The following TNKS variants were observed in gnomAD, a reference collection of about 807,000 sequenced individuals.
TNKS encodes the protein poly [ADP-ribose] polymerase tankyrase-1.
In TNKS, 72 loss-of-function variants were observed where a neutral mutation model predicts 135.8. The ratio of observed to expected loss-of-function variants is 0.53; its 90% confidence interval spans 0.44 to 0.64. TNKS has a LOEUF of 0.64. TNKS is among the 30% of genes least tolerant of loss of function. The pLI is 0.00. For synonymous variants in TNKS, 849 were observed against 649.3 expected, an observed-to-expected ratio of 1.31 and a Z score of -4.68; for missense variants, 1,769 against 1,674.0, an observed-to-expected ratio of 1.06 and a Z score of -0.99.
Position 9,661,893 on chromosome 8 carries a change from AAAAC to A in TNKS, c.995-18051_995-18048del, listed in dbSNP as rs1344375651. Among the ~76,000 whole-genome samples the A allele has an allele frequency of 8.5e-5, 13 of 152,366 alleles. 1 individual carries two copies. The highest frequency in any genetic ancestry group is 1.4e-4 in the African/African-American group (6 of 41,584). On this transcript the variant is annotated intron_variant, in intron 3 of 26. Transcript: ENST00000310430. The stretch of plus-strand genomic sequence containing the variant: ...AGAACTCAAACAAATGTACAAGAAA[AAAAC>A]AAACAACCCCATCACAAAGTGGGCA...
rs191368683 is a variant in TNKS at position 9,623,251 on chromosome 8, G to T, written c.994+7574G>T. On this transcript the variant is annotated intron_variant, in intron 3 of 26. Transcript: ENST00000310430. ...TTGAAACCTAAAACAACTAGACTCT[G>T]TATGGAAAGATGTAGTATTTAAGGT... 7.9e-5 allele frequency among the ~76,000 whole-genome samples: 12 copies of T among 152,276 alleles called. No homozygotes were observed. In the East Asian group the frequency reaches 1.3e-3, roughly 17 times the overall value.
chr8:9,744,538 T>G (rs1426764043), intron 17 of TNKS, among the ~76,000 whole-genome samples: 1 of 152,194 alleles, frequency 6.6e-6, no homozygotes, highest in Non-Finnish European at 1.5e-5. Context: ...TATTTGTCAT[T>G]TAAAGCATTT....
chr8:9,591,925 G>A (rs940704792), intron 2 of TNKS, among the ~76,000 whole-genome samples: 5 of 152,122 alleles, frequency 3.3e-5, no homozygotes, highest in African/African-American at 1.2e-4. Context: ...GCAGTTTCCG[G>A]TCTGAGGGCT....
chr8:9,645,206 G>C (rs1187870187), intron 3 of TNKS, among the ~76,000 whole-genome samples: 1 of 152,022 alleles, frequency 6.6e-6, no homozygotes, highest in Admixed American at 6.6e-5. Context: ...GGAGGACAAG[G>C]GTGGGGGATG....
At chr8:9,770,083 A>ATTGTT in intron 25 of TNKS, 23 bp from the exon 26 acceptor site, 1 of 1,578,388 alleles carries the variant, frequency 6.3e-7, no homozygotes, top group Non-Finnish European at 8.6e-7. Flanking sequence ...CCTTCAAAGC[A>ATTGTT]TTGTTTTTTT....
intron 5 of TNKS, among the ~76,000 whole-genome samples, chr8:9,702,105 A>G (rs1360232132): frequency 6.6e-6 from 1 of 152,190 alleles, no homozygotes; most frequent in Non-Finnish European, 1.5e-5. Context: ...TGCCTACCAA[A>G]GCCTAGAAGC....
chr8:9,746,875 C>T (rs1806261895), intron 17 of TNKS, among the ~76,000 whole-genome samples: 1 of 117,010 alleles, frequency 8.5e-6, no homozygotes. Context: ...TTCATACCTA[C>T]TTAAACTTTT....
chr8:9,765,504 A>C (rs1047337698), intron 23 of TNKS, among the ~76,000 whole-genome samples, 188 bp from the exon 24 acceptor site: 1 of 152,158 alleles, frequency 6.6e-6, no homozygotes, highest in African/African-American at 2.4e-5. Flanking sequence ...CAAAAACTGT[A>C]ACTGAAAATT....
At chr8:9,767,687 T>C (rs1354322800) in intron 25 of TNKS, among the ~76,000 whole-genome samples, 5 of 152,072 alleles carry the variant, frequency 3.3e-5, no homozygotes, top group African/African-American at 1.2e-4. Flanking sequence ...CGGCTGGGCA[T>C]GGTGGCTCAC....
intron 2 of TNKS, among the ~76,000 whole-genome samples, chr8:9,581,611 C>A (rs1425705222): frequency 6.6e-6 from 1 of 152,146 alleles, no homozygotes; most frequent in Non-Finnish European, 1.5e-5. Flanking sequence ...GTCTTCTAGG[C>A]TTTCATCTTC....
intron 11 of TNKS, 91 bp downstream of exon 11, chr8:9,710,311 A>C: frequency 8.2e-7 from 1 of 1,226,610 alleles, no homozygotes; most frequent in Non-Finnish European, 1.2e-6. Flanking sequence ...TTTTCTGAAG[A>C]AACTAATTTT....
chr8:9,774,974 C>T (rs777029286), intron 26 of TNKS, among the ~76,000 whole-genome samples: 54 of 152,172 alleles, frequency 3.5e-4, no homozygotes, highest in Non-Finnish European at 7.1e-4. Flanking sequence ...TTACATTTCT[C>T]CTGTTTTTGT....
chr8:9,581,548 C>G (rs915444445), intron 2 of TNKS, among the ~76,000 whole-genome samples: 4 of 152,208 alleles, frequency 2.6e-5, no homozygotes, highest in African/African-American at 9.6e-5. Flanking sequence ...TCTTATGTTA[C>G]TTGCTTTTGT....
intron 3 of TNKS, among the ~76,000 whole-genome samples, chr8:9,675,167 C>A (rs1315032257): frequency 6.6e-6 from 1 of 152,164 alleles, no homozygotes; most frequent in East Asian, 1.9e-4. Flanking sequence ...AGCTGAATTC[C>A]TTCCACAGCC....
chr8:9,679,940 C>T lies in TNKS; in HGVS notation c.995-11C>T, dbSNP rs936890488. The T allele has an allele frequency of 1.4e-5, 22 of 1,610,100 alleles. No individual in the cohort carries two copies. The highest frequency in any genetic ancestry group is 2.2e-5 in the South Asian group (2 of 90,958). On this transcript the variant is annotated splice_polypyrimidine_tract_variant and intron_variant, in intron 3 of 26. Transcript: ENST00000310430. ...CAAATGCTAACAGCATGATATTTTG[C>T]AATCATCTAGGTGAATACAAGAAAG...
intron 1 of TNKS, among the ~76,000 whole-genome samples, chr8:9,571,530 T>C (rs942806582): frequency 6.6e-6 from 1 of 152,176 alleles, no homozygotes; most frequent in Non-Finnish European, 1.5e-5. Flanking sequence ...CAATCTTGGC[T>C]CACTGCAAGC....
chr8:9,570,605 C>G (rs377488191), intron 1 of TNKS, among the ~76,000 whole-genome samples: 1 of 152,210 alleles, frequency 6.6e-6, no homozygotes, highest in African/African-American at 2.4e-5. Flanking sequence ...ACCTTTAACC[C>G]AAAACAAAGG....
At chr8:9,661,676 A>G (rs1223177467) in intron 3 of TNKS, among the ~76,000 whole-genome samples, 1 of 152,244 alleles carries the variant, frequency 6.6e-6, no homozygotes, top group Non-Finnish European at 1.5e-5. Context: ...AGGCATGGGC[A>G]AGGACTTCAT....
At chr8:9,626,149 T>C (rs1385241237) in intron 3 of TNKS, among the ~76,000 whole-genome samples, 1 of 152,230 alleles carries the variant, frequency 6.6e-6, no homozygotes, top group East Asian at 1.9e-4. Context: ...TTCTTCATTT[T>C]ATAAAAACTC....
Sources: allele counts gnomAD v4.1 joint callset (sites outside exome capture counted in the v4.1 genomes callset), GRCh38; gene constraint gnomAD v4.1.1; transcripts MANE v1.5; gene names NCBI Gene and HGNC (gene_info 2026-07-23, HGNC 2026-07-21).